Variants in MPPED2 observed in about 807,000 individuals in gnomAD.
The protein encoded by MPPED2 is metallophosphoesterase MPPED2.
MPPED2 carries 5 observed loss-of-function variants against 33.0 expected under a neutral mutation model. The ratio of observed to expected loss-of-function variants is 0.15; its 90% CI spans 0.08 to 0.32. The LOEUF (loss-of-function observed/expected upper bound fraction) is 0.32, where lower values mean the gene tolerates loss of function less well. MPPED2 is among the 10% of genes least tolerant of loss of function. MPPED2 has a pLI of 1.00. For missense variants in MPPED2, 275 were observed against 372.1 expected (o/e 0.74, Z 2.15); for synonymous variants, 136 against 141.9 (o/e 0.96, Z 0.29).
At chr11:30,549,019 G>A (rs953472876) in intron 2 of MPPED2, among the ~76,000 whole-genome samples, 3 of 152,054 alleles carry the variant, frequency 2.0e-5, no homozygotes, top group African/African-American at 7.2e-5. Context: ...TACCCTTCAG[G>A]AATAAGTGGT....
At chr11:30,448,993 C>T (rs1275170861) in intron 4 of MPPED2, among the ~76,000 whole-genome samples, 2 of 152,204 alleles carry the variant, frequency 1.3e-5, no homozygotes, top group Non-Finnish European at 2.9e-5. Context: ...ATGTTTCCTT[C>T]ATAGTACTTA....
At chr11:30,476,759 T>C (rs1951222908) in intron 4 of MPPED2, among the ~76,000 whole-genome samples, 1 of 152,080 alleles carries the variant, frequency 6.6e-6, no homozygotes, top group African/African-American at 2.4e-5. Context: ...AATCAGCTTG[T>C]TTATTTTCAA....
In MPPED2 at chr11:30,416,691, G is replaced by A. The variant is rs142283176; in HGVS notation, c.652+827C>T. ...CAATTTTAAAAAGAAAGAAAAAATC[G>A]AACAGTCTTCTATTAAAAGTGAAAC... is the stretch of plus-strand genomic sequence containing the variant. On this transcript the variant is annotated intron_variant, in intron 5 of 6. Coordinates refer to ENST00000358117, the MANE Select transcript of MPPED2 (RefSeq NM_001584.3). Among the ~76,000 whole-genome samples the A allele has an allele frequency of 5.4e-3, 826 of 152,164 alleles. 26 individuals are homozygous for A. The highest frequency in any genetic ancestry group is 0.049 in the Admixed American group (745 of 15,282).
intron 5 of MPPED2, among the ~76,000 whole-genome samples, chr11:30,416,846 T>C (rs980308759): frequency 2.6e-5 from 4 of 152,144 alleles, no homozygotes; most frequent in African/African-American, 9.7e-5. Flanking sequence ...AGATAACAAG[T>C]TCGTGAAAAA....
At chr11:30,505,163 T>G (rs573001382) in intron 3 of MPPED2, among the ~76,000 whole-genome samples, 1 of 152,124 alleles carries the variant, frequency 6.6e-6, no homozygotes, top group African/African-American at 2.4e-5. Context: ...GCCATTAATA[T>G]CCACAATTTT....
chr11:30,449,970 T>C (rs1226290093), intron 4 of MPPED2, among the ~76,000 whole-genome samples: 1 of 152,228 alleles, frequency 6.6e-6, no homozygotes, highest in Non-Finnish European at 1.5e-5. Flanking sequence ...ATTTGTTCAA[T>C]GGTATAAGCC....
intron 3 of MPPED2, among the ~76,000 whole-genome samples, chr11:30,518,231 A>G (rs1411933571): frequency 1.3e-5 from 2 of 152,116 alleles, no homozygotes; most frequent in African/African-American, 2.4e-5. Flanking sequence ...GCTGCCCAAC[A>G]TGCACCCACT....
Position 30,417,639 on chromosome 11 carries a change from G to A in MPPED2, c.537-6C>T, listed in dbSNP as rs1384771944. On this transcript the variant is annotated splice_region_variant and splice_polypyrimidine_tract_variant and intron_variant, in intron 4 of 6. Coordinates refer to ENST00000358117, the MANE Select transcript of MPPED2 (RefSeq NM_001584.3). ...ATCCATTAAACCACGGGGTCCTTTG[G>A]GGGAGATAATGCACATGGTATCAGG... 6.4e-7 allele frequency: 1 copy of A among 1,566,136 alleles called. No homozygotes were observed. The highest frequency in any genetic ancestry group is 1.4e-5 in the African/African-American group (1 of 73,794).
At chr11:30,429,642 C>A (rs1007029853) in intron 4 of MPPED2, among the ~76,000 whole-genome samples, 1 of 152,144 alleles carries the variant, frequency 6.6e-6, no homozygotes, top group African/African-American at 2.4e-5. Flanking sequence ...TCTGGCAGGG[C>A]GCTCTGGGGA....
intron 4 of MPPED2, among the ~76,000 whole-genome samples, chr11:30,456,729 G>GT (rs1473755384): frequency 6.6e-6 from 1 of 152,152 alleles, no homozygotes; most frequent in African/African-American, 2.4e-5. Flanking sequence ...TTTTAGCCCA[G>GT]TTTTTTCTCA....
At chr11:30,493,383 A>AG (rs1554981624) in intron 4 of MPPED2, among the ~76,000 whole-genome samples, 8 of 151,956 alleles carry the variant, frequency 5.3e-5, no homozygotes, top group African/African-American at 1.2e-4. Flanking sequence ...AAAAAAAAAA[A>AG]AAAAGAAAAT....
intron 4 of MPPED2, among the ~76,000 whole-genome samples, chr11:30,481,410 C>T (rs960368097): frequency 6.6e-6 from 1 of 152,084 alleles, no homozygotes; most frequent in African/African-American, 2.4e-5. Flanking sequence ...CAAATTTCAC[C>T]ATCTGGTCCC....
At chr11:30,462,670 G>A (rs1157742705) in intron 4 of MPPED2, among the ~76,000 whole-genome samples, 3 of 152,066 alleles carry the variant, frequency 2.0e-5, no homozygotes, top group Non-Finnish European at 4.4e-5. Flanking sequence ...CCAAGTACTC[G>A]CAAACAAGAA....
At chr11:30,448,483 G>A (rs1035613876) in intron 4 of MPPED2, among the ~76,000 whole-genome samples, 1 of 152,022 alleles carries the variant, frequency 6.6e-6, no homozygotes, top group African/African-American at 2.4e-5. Context: ...AGATTATCCT[G>A]CTACACACTA....
At chr11:30,526,569 A>G (rs1250092332) in intron 3 of MPPED2, among the ~76,000 whole-genome samples, 1 of 152,174 alleles carries the variant, frequency 6.6e-6, no homozygotes, top group Non-Finnish European at 1.5e-5. Flanking sequence ...AACCTCTGGC[A>G]TATTCTCCTT....
chr11:30,388,752 T>A lies in MPPED2; in HGVS notation c.*137A>T, dbSNP rs148498876. ...CTGTCGCCTCCTCCTCATGCCTTCT[T>A]TGTCTTCACCAAGGAGAGGCATCTT... is the stretch of plus-strand genomic sequence containing the variant. On this transcript the variant is annotated 3_prime_UTR_variant, in exon 7 of 7. Transcript: ENST00000448418. The A allele has an allele frequency of 7.4e-3, 8,882 of 1,201,912 alleles. 38 individuals are homozygous for A. The highest frequency in any genetic ancestry group is 8.6e-3 in the Non-Finnish European group (7,884 of 917,164). 74.5% of individuals were successfully genotyped at this position (1,201,912 alleles called of 1,614,324 possible).
intron 4 of MPPED2, among the ~76,000 whole-genome samples, chr11:30,465,473 G>T (rs1950668831): frequency 6.6e-6 from 1 of 152,136 alleles, no homozygotes; most frequent in African/African-American, 2.4e-5. Context: ...TTTATTTTTG[G>T]TAGAGATGGG....
chr11:30,472,240 G>C (rs937033577), intron 4 of MPPED2, among the ~76,000 whole-genome samples: 9 of 152,052 alleles, frequency 5.9e-5, no homozygotes, highest in Non-Finnish European at 1.3e-4. Context: ...GCATGCTTGT[G>C]GTCTCAACTA....
chr11:30,422,439 G>T (rs1948653304), intron 4 of MPPED2, among the ~76,000 whole-genome samples: 1 of 152,162 alleles, frequency 6.6e-6, no homozygotes, highest in South Asian at 2.1e-4. Flanking sequence ...AACTGCTTGT[G>T]AGGGACCAAG....
Sources: gnomAD v4.1 joint callset for allele counts (sites outside exome capture counted in the v4.1 genomes callset) on GRCh38, gnomAD v4.1.1 for gene constraint, MANE v1.5 for transcripts, NCBI Gene and HGNC (gene_info 2026-07-23, HGNC 2026-07-21) for gene names.